NUBPL: variants seen among roughly 807,000 people sequenced by gnomAD.
The protein encoded by NUBPL is iron-sulfur cluster transfer protein NUBPL.
Under a neutral mutation model 45.7 loss-of-function variants are expected in NUBPL, and 31 were observed. The ratio of observed to expected loss-of-function variants is 0.68; its 90% CI spans 0.51 to 0.92. The LOEUF (loss-of-function observed/expected upper bound fraction) is 0.92, where lower values mean the gene tolerates loss of function less well. NUBPL is among the 40% of genes least tolerant of loss of function. The pLI, the probability that NUBPL is intolerant of heterozygous loss-of-function variation, is 0.00. For missense variants in NUBPL, 401 were observed against 398.7 expected (o/e 1.01, Z -0.05); for synonymous variants, 144 against 140.9 (o/e 1.02, Z -0.15).
intron 6 of NUBPL, among the ~76,000 whole-genome samples, chr14:31,713,514 A>T (rs2037623370): frequency 6.6e-6 from 1 of 152,152 alleles, no homozygotes; most frequent in African/African-American, 2.4e-5. Flanking sequence ...CTAAACCCAT[A>T]AACTCCAGTT....
chr14:31,798,073 T>G (rs2039498736), intron 7 of NUBPL, among the ~76,000 whole-genome samples: 1 of 151,014 alleles, frequency 6.6e-6, no homozygotes, highest in African/African-American at 2.5e-5. Flanking sequence ...CCCACTCTCT[T>G]CTGGCTTGTA....
rs75002426 is a variant in NUBPL, at chr14:31,684,635, A to G, written c.513+11061A>G. Among the ~76,000 whole-genome samples, 51 of 152,186 alleles carry G rather than the reference A, an allele frequency of 3.4e-4. No homozygotes were observed. The East Asian group carries it at 9.3e-3, about 28-fold the overall frequency. Reference sequence around the variant, plus strand: ...TTCTTTCTAAATTGTGGATTTATATATTATTTATCTTTGGTTTAAGATGAT... The same window carrying G: ...TTCTTTCTAAATTGTGGATTTATATGTTATTTATCTTTGGTTTAAGATGAT... On this transcript the variant is annotated intron_variant, in intron 6 of 10. Coordinates refer to ENST00000281081, the MANE Select transcript of NUBPL (RefSeq NM_025152.3).
Position 31,859,099 on chromosome 14 carries a change from T to A in NUBPL, c.898-19T>A, listed in dbSNP as rs1265081220. On this transcript the variant is annotated intron_variant, in intron 10 of 10. Coordinates refer to ENST00000281081, the MANE Select transcript of NUBPL (RefSeq NM_025152.3). ...CTGCTGAAGAGAAATACAGAACAAA[T>A]AAGTTTGTTCTTTTCCAGGCCAAAG... 1 of 1,607,190 alleles carries A rather than the reference T, an allele frequency of 6.2e-7. No individual in the cohort carries two copies. The highest frequency in any genetic ancestry group is 1.3e-5 in the African/African-American group (1 of 74,736).
intron 6 of NUBPL, among the ~76,000 whole-genome samples, chr14:31,691,157 C>T (rs2037085138): frequency 6.6e-6 from 1 of 152,158 alleles, no homozygotes; most frequent in South Asian, 2.1e-4. Context: ...TTGTCACTGC[C>T]ACCCCTAAGA....
chr14:31,789,843 AATATG>A (rs1211529839), intron 7 of NUBPL, among the ~76,000 whole-genome samples: 1 of 151,970 alleles, frequency 6.6e-6, no homozygotes, highest in African/African-American at 2.4e-5. Context: ...CAGGCTGTAA[AATATG>A]AGATGGGAGT....
rs8013857 is a variant in NUBPL, at chr14:31,576,739, C to T, written c.291+11691C>T. On this transcript the variant is annotated intron_variant, in intron 3 of 10. Transcript: ENST00000281081. ...AGGTCCTCTATCCAATTCCAATTTCCTTATTCCTAGCACATGGTCTTGCTT... is the reference window on the plus strand; with the variant it reads ...AGGTCCTCTATCCAATTCCAATTTCTTTATTCCTAGCACATGGTCTTGCTT... Among the ~76,000 whole-genome samples, 923 of 152,286 alleles carry T rather than the reference C, an allele frequency of 6.1e-3. 9 individuals are homozygous for T. The highest frequency in any genetic ancestry group is 0.021 in the African/African-American group (865 of 41,532).
At chr14:31,815,333 T>TCTG (rs1412561443) in intron 7 of NUBPL, among the ~76,000 whole-genome samples, 1 of 151,064 alleles carries the variant, frequency 6.6e-6, no homozygotes, top group Non-Finnish European at 1.5e-5. Flanking sequence ...TGGTTTGGCT[T>TCTG]TTTGTCTGTT....
At chr14:31,653,103 A>G (rs1271446731) in intron 4 of NUBPL, among the ~76,000 whole-genome samples, 1 of 152,196 alleles carries the variant, frequency 6.6e-6, no homozygotes, top group Non-Finnish European at 1.5e-5. Flanking sequence ...GAGAACAAAG[A>G]TCACATGCTT....
In NUBPL at chr14:31,621,014, G is replaced by A. The variant is rs73271245; in HGVS notation, c.382+21635G>A. Among the ~76,000 whole-genome samples, 907 of 152,318 alleles carry A rather than the reference G, an allele frequency of 6.0e-3. 2 individuals are homozygous for A. The highest frequency in any genetic ancestry group is 0.017 in the Admixed American group (262 of 15,300). On this transcript the variant is annotated intron_variant, in intron 4 of 10. Transcript: ENST00000281081. ...AGGAATCTAGAGGGGCAGTATGGCC[G>A]CACCAGCATTGCTGAGCTGCGGTGG...
intron 6 of NUBPL, among the ~76,000 whole-genome samples, chr14:31,741,408 G>C (rs1440547974): frequency 6.6e-6 from 1 of 152,096 alleles, no homozygotes; most frequent in Non-Finnish European, 1.5e-5. Context: ...CTGGAGTTAG[G>C]TATTTCCCTT....
chr14:31,728,574 A>G (rs774564534), intron 6 of NUBPL, among the ~76,000 whole-genome samples: 72 of 152,344 alleles, frequency 4.7e-4, no homozygotes, highest in Non-Finnish European at 9.3e-4. Context: ...TGAGTAGAGA[A>G]ACTCAGTTAA....
intron 3 of NUBPL, among the ~76,000 whole-genome samples, chr14:31,596,091 A>G (rs1473713413): frequency 6.6e-6 from 1 of 151,988 alleles, no homozygotes; most frequent in Non-Finnish European, 1.5e-5. Context: ...TATTTTTAGT[A>G]GAGACGGGGT....
chr14:31,729,274 A>AT (rs1555332371), intron 6 of NUBPL, among the ~76,000 whole-genome samples: 28 of 48,630 alleles, frequency 5.8e-4, no homozygotes, highest in African/African-American at 1.2e-3. Flanking sequence ...GAGATGCTCC[A>AT]TCCCCCCCCC....
At chr14:31,671,202 A>T (rs1185452477) in intron 4 of NUBPL, among the ~76,000 whole-genome samples, 1 of 152,040 alleles carries the variant, frequency 6.6e-6, no homozygotes, top group African/African-American at 2.4e-5. Context: ...CTAGTTAGTT[A>T]GATTTCATTC....
At chr14:31,681,652 T>A (rs528584899) in intron 6 of NUBPL, among the ~76,000 whole-genome samples, 2 of 151,348 alleles carry the variant, frequency 1.3e-5, no homozygotes, top group Middle Eastern at 3.4e-3. Flanking sequence ...TTGATTTAAA[T>A]TTTTTTTTAA....
chr14:31,807,878 G>C (rs1355417121), intron 7 of NUBPL, among the ~76,000 whole-genome samples: 3 of 152,090 alleles, frequency 2.0e-5, no homozygotes, highest in Non-Finnish European at 2.9e-5. Context: ...ATTAAATAGG[G>C]AATCCTTTCC....
chr14:31,673,311 T>G, intron 4 of NUBPL, 44 bp from the exon 5 acceptor site: 3 of 1,488,040 alleles, frequency 2.0e-6, no homozygotes, highest in African/African-American at 1.5e-5. Flanking sequence ...TGTTTATGTG[T>G]TGTGTTTTAT....
intron 6 of NUBPL, among the ~76,000 whole-genome samples, chr14:31,740,266 C>G (rs984910220): frequency 6.6e-6 from 1 of 152,206 alleles, no homozygotes; most frequent in African/African-American, 2.4e-5. Flanking sequence ...TGCATCCCCA[C>G]CAGCAAGAAA....
At chr14:31,671,059 G>C (rs1274939931) in intron 4 of NUBPL, among the ~76,000 whole-genome samples, 3 of 152,140 alleles carry the variant, frequency 2.0e-5, no homozygotes, top group Non-Finnish European at 2.9e-5. Context: ...AAATTGCCTT[G>C]GGGAGTATAG....
Sources: allele counts gnomAD v4.1 joint callset (sites outside exome capture counted in the v4.1 genomes callset), GRCh38; gene constraint gnomAD v4.1.1; transcripts MANE v1.5; gene names NCBI Gene and HGNC (gene_info 2026-07-23, HGNC 2026-07-21).